DAPL1: variants seen among roughly 807,000 people sequenced by gnomAD.
DAPL1 encodes death associated protein like 1.
Under a neutral mutation model 12.9 loss-of-function variants are expected in DAPL1, and 17 were observed. That is an observed-to-expected ratio of 1.32 (90% CI 0.90 to 1.98). The LOEUF (loss-of-function observed/expected upper bound fraction) is 1.98, where lower values mean the gene tolerates loss of function less well. Ranked by LOEUF, DAPL1 falls within the 30% of genes most tolerant of loss-of-function variation. The pLI, the probability that DAPL1 is intolerant of heterozygous loss-of-function variation, is 0.00. For missense variants in DAPL1, 157 were observed against 125.7 expected, an observed-to-expected ratio of 1.25 and a Z score of -1.19; for synonymous variants, 51 against 42.0, an observed-to-expected ratio of 1.21 and a Z score of -0.82.
At chr2:158,808,757 G>C (rs1240834553) in intron 3 of DAPL1, among the ~76,000 whole-genome samples, 2 of 152,114 alleles carry the variant, frequency 1.3e-5, no homozygotes, top group African/African-American at 2.4e-5. Context: ...CACTTCCTTA[G>C]GGCAAGGGAA....
chr2:158,796,293 C>T (rs901984750), intron 1 of DAPL1, among the ~76,000 whole-genome samples: 6 of 152,178 alleles, frequency 3.9e-5, no homozygotes, highest in Non-Finnish European at 7.3e-5. Context: ...TCTCTGGCAC[C>T]TCTAGGCCAA....
chr2:158,799,354 A>G (rs1055010541), intron 1 of DAPL1, among the ~76,000 whole-genome samples: 2 of 152,182 alleles, frequency 1.3e-5, no homozygotes, highest in African/African-American at 2.4e-5. Flanking sequence ...GATAGTCCCA[A>G]ACATGGAGTT....
chr2:158,805,643 G>A (rs1423513095), intron 2 of DAPL1, among the ~76,000 whole-genome samples: 3 of 148,496 alleles, frequency 2.0e-5, no homozygotes, highest in African/African-American at 4.9e-5. Context: ...CTAGTGGACA[G>A]CCAAAGGACA....
At chr2:158,815,055 G>A (rs2059252857) in intron 3 of DAPL1, among the ~76,000 whole-genome samples, 1 of 152,180 alleles carries the variant, frequency 6.6e-6, no homozygotes. Context: ...TTGTCAGAAA[G>A]TCTCAGCCTG....
At chr2:158,810,619 G>C (rs546291263) in intron 3 of DAPL1, among the ~76,000 whole-genome samples, 5 of 152,232 alleles carry the variant, frequency 3.3e-5, no homozygotes, top group African/African-American at 1.2e-4. Context: ...AAAGTGGGAA[G>C]CAGCCTAGAA....
chr2:158,800,532 C>T (rs1458573354), intron 1 of DAPL1, among the ~76,000 whole-genome samples: 2 of 152,256 alleles, frequency 1.3e-5, no homozygotes, highest in Admixed American at 6.5e-5. Context: ...CATTGAAGGA[C>T]GTGGAGACAG....
chr2:158,803,049 C>T (rs879899248), intron 1 of DAPL1, among the ~76,000 whole-genome samples: 5 of 152,132 alleles, frequency 3.3e-5, no homozygotes, highest in Non-Finnish European at 7.3e-5. Flanking sequence ...GGAACTTTCT[C>T]TAAAATATGT....
chr2:158,797,359 C>T (rs1004123836), intron 1 of DAPL1, among the ~76,000 whole-genome samples: 5 of 152,142 alleles, frequency 3.3e-5, no homozygotes, highest in Non-Finnish European at 7.4e-5. Flanking sequence ...CCCGGTAGAA[C>T]ACATCACTAT....
chr2:158,800,876 G>A (rs1180504379), intron 1 of DAPL1, among the ~76,000 whole-genome samples: 1 of 152,064 alleles, frequency 6.6e-6, no homozygotes, highest in East Asian at 1.9e-4. Context: ...ATCTCACTCT[G>A]TCACCCAGGC....
At chr2:158,805,947 C>A (rs1456130879) in intron 2 of DAPL1, among the ~76,000 whole-genome samples, 1 of 147,868 alleles carries the variant, frequency 6.8e-6, no homozygotes, top group Non-Finnish European at 1.5e-5. Context: ...CAAAAATGAC[C>A]GATATGAAAT....
intron 1 of DAPL1, among the ~76,000 whole-genome samples, chr2:158,800,303 C>A (rs11680733): frequency 6.6e-6 from 1 of 151,988 alleles, no homozygotes; most frequent in Non-Finnish European, 1.5e-5. Flanking sequence ...ACAAAAAACT[C>A]GTTATTGTAT....
intron 2 of DAPL1, 42 bp from the exon 3 acceptor site, chr2:158,807,013 A>G: frequency 6.4e-7 from 1 of 1,562,852 alleles, no homozygotes; most frequent in Non-Finnish European, 8.8e-7. Flanking sequence ...TCAGTGGGAA[A>G]ATTTTTTAAG....
At position 158,796,071 on chromosome 2, in the gene DAPL1, G is replaced by C. The variant is rs186384167; in HGVS notation, c.58+641G>C. ...ATAGTTGTCTTTTTTTTTAATTTAT[G>C]CTATCTATATTGACTCTCTGGAATA... On this transcript the variant is annotated intron_variant, in intron 1 of 3. Coordinates refer to ENST00000309950, the MANE Select transcript of DAPL1 (RefSeq NM_001017920.3). Among the ~76,000 whole-genome samples the C allele has an allele frequency of 3.3e-5, 5 of 152,128 alleles. No individual in the cohort carries two copies. The East Asian group carries it at 9.6e-4, about 29-fold the overall frequency.
intron 3 of DAPL1, among the ~76,000 whole-genome samples, chr2:158,813,895 T>G (rs1264447100): frequency 6.6e-6 from 1 of 152,146 alleles, no homozygotes; most frequent in Non-Finnish European, 1.5e-5. Flanking sequence ...CATCATCTCT[T>G]TCACACTTAA....
intron 1 of DAPL1, among the ~76,000 whole-genome samples, chr2:158,802,774 G>A (rs2059175621): frequency 2.6e-5 from 4 of 152,156 alleles, no homozygotes; most frequent in Admixed American, 1.3e-4. Context: ...TGAGCTCTGT[G>A]CCTCGCCTTG....
chr2:158,795,544 T>G, intron 1 of DAPL1, 114 bp downstream of exon 1: 1 of 977,244 alleles, frequency 1.0e-6, no homozygotes, highest in Non-Finnish European at 1.6e-6. Flanking sequence ...CAGTATGACT[T>G]TAACTCCATG....
At chr2:158,800,696 G>A (rs192407686) in intron 1 of DAPL1, among the ~76,000 whole-genome samples, 7 of 152,138 alleles carry the variant, frequency 4.6e-5, no homozygotes, top group Admixed American at 1.3e-4. Context: ...AAGTTCTCTC[G>A]CTTTGCTTCT....
chr2:158,798,189 G>A (rs13001887), intron 1 of DAPL1, among the ~76,000 whole-genome samples: 479 of 152,324 alleles, frequency 3.1e-3, no homozygotes, highest in Non-Finnish European at 5.1e-3. Flanking sequence ...AGAGCCATTA[G>A]AGGTGTTGCC....
At chr2:158,814,820 G>A (rs2059251529) in intron 3 of DAPL1, among the ~76,000 whole-genome samples, 1 of 152,172 alleles carries the variant, frequency 6.6e-6, no homozygotes. Context: ...CTGAGCTGAG[G>A]CATTCCTTCC....
Sources: allele counts gnomAD v4.1 joint callset (sites outside exome capture counted in the v4.1 genomes callset), GRCh38; gene constraint gnomAD v4.1.1; transcripts MANE v1.5; gene names NCBI Gene and HGNC (gene_info 2026-07-23, HGNC 2026-07-21).